RPS6KC1: variants seen among roughly 807,000 people sequenced by gnomAD.
RPS6KC1 encodes the protein inactive ribosomal protein S6 kinase delta-1.
In RPS6KC1, 54 loss-of-function variants were observed where a neutral mutation model predicts 103.8. That is an observed-to-expected ratio of 0.52 (90% CI 0.42 to 0.65). RPS6KC1 has a LOEUF of 0.65. Ranked by LOEUF, RPS6KC1 falls within the 30% of genes least tolerant of loss-of-function variation. The pLI is 0.00. For missense variants in RPS6KC1, 1,151 were observed against 1,253.8 expected (o/e 0.92, Z 1.24); for synonymous variants, 439 against 438.7 (o/e 1.00, Z -0.01).
chr1:213,309,446 G>A, the RPS6KC1 span, among the ~76,000 whole-genome samples: 1 of 152,208 alleles, frequency 6.6e-6, no homozygotes, highest in African/African-American at 2.4e-5. Flanking sequence ...ATGGTCTGCT[G>A]TGTAATCTTA....
the RPS6KC1 span, among the ~76,000 whole-genome samples, chr1:213,493,156 G>T: frequency 2.7e-4 from 41 of 152,288 alleles, no homozygotes; most frequent in Non-Finnish European, 5.3e-4. Flanking sequence ...CATAAGGTTT[G>T]TATTTAAGTA....
the RPS6KC1 span, among the ~76,000 whole-genome samples, chr1:213,359,201 G>A: frequency 2.2e-4 from 34 of 152,258 alleles, no homozygotes; most frequent in Non-Finnish European, 3.1e-4. Flanking sequence ...AAGTCTCCTC[G>A]TAGGTCTCTA....
chr1:213,395,809 G>A, the RPS6KC1 span, among the ~76,000 whole-genome samples: 81 of 152,284 alleles, frequency 5.3e-4, no homozygotes, highest in African/African-American at 1.6e-3. Flanking sequence ...GTTTGTGGGC[G>A]GGCTGCAGGA....
chr1:213,680,611 A>G, the RPS6KC1 span, among the ~76,000 whole-genome samples: 99 of 152,314 alleles, frequency 6.5e-4, no homozygotes, highest in African/African-American at 1.9e-3. Flanking sequence ...CCATGTTAGG[A>G]CATGATAATA....
chr1:213,331,105 G>A, the RPS6KC1 span, among the ~76,000 whole-genome samples: 1 of 152,240 alleles, frequency 6.6e-6, no homozygotes, highest in South Asian at 2.1e-4. Context: ...GGTTGGAGGT[G>A]AGCCAGTGCC....
chr1:213,726,539 A>G, the RPS6KC1 span, among the ~76,000 whole-genome samples: 1 of 152,188 alleles, frequency 6.6e-6, no homozygotes, highest in African/African-American at 2.4e-5. Context: ...TCTGCAATCT[A>G]TGTCTCACCT....
the RPS6KC1 span, among the ~76,000 whole-genome samples, chr1:213,308,847 C>T: frequency 6.6e-6 from 1 of 152,110 alleles, no homozygotes; most frequent in African/African-American, 2.4e-5. Context: ...AACACTAAGA[C>T]AAATAAAATG....
intron 1 of RPS6KC1, among the ~76,000 whole-genome samples, chr1:213,056,405 C>T (rs2077333154): frequency 6.6e-6 from 1 of 152,186 alleles, no homozygotes; most frequent in Admixed American, 6.5e-5. Flanking sequence ...CTGCTGAATA[C>T]CTGTATTATA....
rs938903098 is a variant in RPS6KC1 at position 213,241,411 on chromosome 1, T to C, written c.1935T>C (p.Phe645=). 1 of 1,613,856 alleles carries C rather than the reference T, an allele frequency of 6.2e-7. No individual in the cohort carries two copies. The highest frequency in any genetic ancestry group is 8.5e-7 in the Non-Finnish European group (1 of 1,179,958). The part of the protein sequence containing the change: ...LPDGDSASRS[F]NTSESKVEFK... The stretch of plus-strand genomic sequence containing the variant: ...ATGGAGACAGTGCTTCTAGGAGTTT[T>C]AATACTAGTGAAAGCAAGGTAGAGT... The change falls in exon 11 of 15, where the codon TTT becomes TTC. Residue 645 remains phenylalanine (F), a synonymous_variant. Coordinates refer to ENST00000366960, the MANE Select transcript of RPS6KC1 (RefSeq NM_012424.6).
chr1:213,112,896 A>C (rs1230514290), intron 4 of RPS6KC1, among the ~76,000 whole-genome samples: 2 of 152,172 alleles, frequency 1.3e-5, no homozygotes, highest in African/African-American at 4.8e-5. Context: ...ACATGAACTC[A>C]TCCTTTTTTA....
At chr1:213,133,583 G>T (rs1229657923) in intron 6 of RPS6KC1, among the ~76,000 whole-genome samples, 1 of 152,130 alleles carries the variant, frequency 6.6e-6, no homozygotes, top group Non-Finnish European at 1.5e-5. Flanking sequence ...CTACCAGATG[G>T]CGAGCATTGT....
At chr1:213,655,321 G>A in the RPS6KC1 span, among the ~76,000 whole-genome samples, 2 of 127,262 alleles carry the variant, frequency 1.6e-5, no homozygotes, top group Admixed American at 7.4e-5. Context: ...GGGATTACAG[G>A]CATGAGCCAC....
chr1:213,130,010 G>A, intron 6 of RPS6KC1, 121 bp downstream of exon 6: 2 of 1,037,894 alleles, frequency 1.9e-6, no homozygotes, highest in Admixed American at 2.7e-5. Flanking sequence ...AGAAATTACT[G>A]AAGCTTAAAA....
the RPS6KC1 span, among the ~76,000 whole-genome samples, chr1:213,371,835 T>C: frequency 6.6e-6 from 1 of 152,102 alleles, no homozygotes; most frequent in Admixed American, 6.5e-5. Context: ...CCTCCTCCAC[T>C]CCTGACCTCA....
At chr1:213,787,241 G>T in the RPS6KC1 span, among the ~76,000 whole-genome samples, 1 of 152,192 alleles carries the variant, frequency 6.6e-6, no homozygotes, top group Non-Finnish European at 1.5e-5. Flanking sequence ...TATGAAGCTT[G>T]AATTTTACCA....
the RPS6KC1 span, among the ~76,000 whole-genome samples, chr1:213,423,871 C>A: frequency 2.6e-5 from 4 of 152,192 alleles, no homozygotes; most frequent in Non-Finnish European, 1.5e-5. Context: ...ACGAGATTAG[C>A]GCGATGTGAG....
chr1:213,468,200 C>A, the RPS6KC1 span, among the ~76,000 whole-genome samples: 1 of 152,182 alleles, frequency 6.6e-6, no homozygotes, highest in Non-Finnish European at 1.5e-5. Flanking sequence ...ATGAGTGGAA[C>A]CTTATCCTGT....
At chr1:213,402,385 A>C in the RPS6KC1 span, among the ~76,000 whole-genome samples, 1 of 151,744 alleles carries the variant, frequency 6.6e-6, no homozygotes, top group Non-Finnish European at 1.5e-5. Context: ...ATACTCACAC[A>C]CCCCCTCCTC....
At chr1:213,296,277 T>C in the RPS6KC1 span, among the ~76,000 whole-genome samples, 1 of 152,190 alleles carries the variant, frequency 6.6e-6, no homozygotes, top group African/African-American at 2.4e-5. Context: ...ATCTCGACAA[T>C]ACACACCCAG....
Sources: allele counts gnomAD v4.1 joint callset (sites outside exome capture counted in the v4.1 genomes callset), GRCh38; gene constraint gnomAD v4.1.1; transcripts MANE v1.5; gene names NCBI Gene and HGNC (gene_info 2026-07-23, HGNC 2026-07-21).